GC: variants seen among roughly 807,000 people sequenced by gnomAD.
GC encodes the protein GC vitamin D binding protein.
In GC, 43 loss-of-function variants were observed where a neutral mutation model predicts 56.7. The observed-to-expected ratio is 0.76, with a 90% CI of 0.59 to 0.98. The LOEUF (loss-of-function observed/expected upper bound fraction) is 0.98. GC is among the 50% of genes least tolerant of loss of function. The pLI is 0.00. For synonymous variants in GC, 216 were observed against 202.7 expected (o/e 1.07, Z -0.56); for missense variants, 529 against 545.9 (o/e 0.97, Z 0.31).
chr4:71,764,583 T>G (rs1742097587), intron 4 of GC, among the ~76,000 whole-genome samples: 1 of 152,182 alleles, frequency 6.6e-6, no homozygotes, highest in East Asian at 1.9e-4. Context: ...GCTAGATTAA[T>G]TTTTCATTAT....
rs150829667 is a variant in GC at position 71,765,402 on chromosome 4, T to C, written c.473+30A>G. 9.1e-5 allele frequency: 142 copies of C among 1,559,196 alleles called. 1 individual carries two copies. The African/African-American group carries it at 1.7e-3, about 19-fold the overall frequency. ...GAGTCATTTCTGATACTTTAGGTCC[T>C]AAAGTTCTATTTATGATGAAGGCAC... On this transcript the variant is annotated intron_variant, in intron 4 of 12. Coordinates refer to ENST00000273951, the MANE Select transcript of GC (RefSeq NM_000583.4).
At chr4:71,762,343 A>G (rs1008480607) in intron 6 of GC, among the ~76,000 whole-genome samples, 14 of 152,120 alleles carry the variant, frequency 9.2e-5, no homozygotes, top group Non-Finnish European at 1.9e-4. Flanking sequence ...CATTTACCCA[A>G]TGCCTGTACC....
intron 12 of GC, among the ~76,000 whole-genome samples, chr4:71,744,625 G>C (rs182287070): frequency 6.6e-6 from 1 of 152,210 alleles, no homozygotes; most frequent in African/African-American, 2.4e-5. Context: ...AATGCACTCT[G>C]AGTTCTGAAT....
intron 8 of GC, among the ~76,000 whole-genome samples, chr4:71,755,810 TTA>T (rs1209630276): frequency 6.6e-6 from 1 of 152,198 alleles, no homozygotes; most frequent in Non-Finnish European, 1.5e-5. Flanking sequence ...AATTCCTTCA[TTA>T]TGTCTTACCC....
chr4:71,787,694 C>T (rs1742871702), upstream of GC, among the ~76,000 whole-genome samples: 1 of 151,796 alleles, frequency 6.6e-6, no homozygotes, highest in Admixed American at 6.6e-5. Context: ...CAAGGGATGA[C>T]AGAAGTGTGG....
intron 1 of GC, among the ~76,000 whole-genome samples, chr4:71,779,582 A>G (rs772063957): frequency 2.0e-5 from 3 of 151,860 alleles, no homozygotes; most frequent in Non-Finnish European, 4.4e-5. Context: ...AGAAGAAGCA[A>G]TGGGTAGAAT....
intron 1 of GC, among the ~76,000 whole-genome samples, chr4:71,774,726 T>G (rs1491717): frequency 0.091 from 13,804 of 151,990 alleles, 719 homozygotes; most frequent in Non-Finnish European, 0.1. Context: ...TCACAAAAAT[T>G]TTATGAGGTT....
intron 1 of GC, among the ~76,000 whole-genome samples, chr4:71,803,272 G>T (rs1743293091): frequency 6.6e-6 from 1 of 152,132 alleles, no homozygotes; most frequent in Admixed American, 6.5e-5. Flanking sequence ...AACATAAAAA[G>T]AGCTAGTAAA....
chr4:71,786,929 C>T (rs1038983379), upstream of GC, among the ~76,000 whole-genome samples: 2 of 151,738 alleles, frequency 1.3e-5, no homozygotes, highest in African/African-American at 2.4e-5. Flanking sequence ...AATGACCTGA[C>T]AAAATTGATA....
intron 6 of GC, among the ~76,000 whole-genome samples, chr4:71,761,960 G>T (rs1187637925): frequency 6.6e-6 from 1 of 152,224 alleles, no homozygotes; most frequent in East Asian, 1.9e-4. Flanking sequence ...GGAAATGTGG[G>T]TGTGGAACCT....
chr4:71,784,785 G>C (rs1388880267), upstream of GC, among the ~76,000 whole-genome samples: 1 of 151,720 alleles, frequency 6.6e-6, no homozygotes, highest in East Asian at 1.9e-4. Context: ...ACTCCCTACA[G>C]TGATTTTAAA....
At chr4:71,765,324 T>G in intron 4 of GC, 108 bp downstream of exon 4, 1 of 833,534 alleles carries the variant, frequency 1.2e-6, no homozygotes, top group Non-Finnish European at 2.0e-6. Context: ...GTTATCAGAA[T>G]TTGTTCAGGT....
intron 11 of GC, among the ~76,000 whole-genome samples, chr4:71,750,605 C>T (rs1259309698): frequency 6.6e-6 from 1 of 152,084 alleles, no homozygotes; most frequent in African/African-American, 2.4e-5. Flanking sequence ...GGCCTTCTGG[C>T]CGGGCGCAGT....
chr4:71,746,442 A>G (rs1383604059), intron 11 of GC, among the ~76,000 whole-genome samples: 1 of 151,844 alleles, frequency 6.6e-6, no homozygotes, highest in Non-Finnish European at 1.5e-5. Flanking sequence ...AAAAAATGGC[A>G]GTAGAGTTTA....
intron 4 of GC, 61 bp from the exon 5 acceptor site, chr4:71,763,997 A>G (rs781308778): frequency 8.2e-6 from 11 of 1,338,268 alleles, no homozygotes; most frequent in Non-Finnish European, 1.2e-5. Context: ...CTACTTTTTT[A>G]TTTGAGACAG....
At chr4:71,760,455 G>A (rs949067790) in intron 6 of GC, among the ~76,000 whole-genome samples, 7 of 152,042 alleles carry the variant, frequency 4.6e-5, no homozygotes, top group African/African-American at 1.7e-4. Flanking sequence ...ATAGTAGAAG[G>A]AATCAAAGAG....
At chr4:71,765,359 G>T in intron 4 of GC, 73 bp downstream of exon 4, 1 of 1,192,700 alleles carries the variant, frequency 8.4e-7, no homozygotes, top group Non-Finnish European at 1.3e-6. Context: ...TGTTTCCACA[G>T]AGTAGGGGGT....
intron 4 of GC, 141 bp from the exon 5 acceptor site, chr4:71,764,077 C>T: frequency 1.6e-6 from 1 of 626,226 alleles, no homozygotes; most frequent in Non-Finnish European, 2.8e-6. Context: ...AACCTCCTGG[C>T]CTCAAGCGAT....
At chr4:71,804,640 A>G, upstream of GC, among the ~76,000 whole-genome samples, 1 of 152,022 alleles carries the variant, frequency 6.6e-6, no homozygotes, top group East Asian at 1.9e-4. Flanking sequence ...GGCCTCAATT[A>G]ATCCTTTCAT....
Sources: allele counts gnomAD v4.1 joint callset (sites outside exome capture counted in the v4.1 genomes callset), GRCh38; gene constraint gnomAD v4.1.1; transcripts MANE v1.5; gene names NCBI Gene and HGNC (gene_info 2026-07-23, HGNC 2026-07-21).